Variants in EGFLAM observed in about 807,000 individuals in gnomAD.
EGFLAM encodes the protein pikachurin.
In EGFLAM, 79 loss-of-function variants were observed where a neutral mutation model predicts 113.1. That is an observed-to-expected ratio of 0.70 (90% CI 0.58 to 0.84). EGFLAM has a LOEUF of 0.84. Among genes scored for constraint, EGFLAM ranks in the 40% least tolerant of loss-of-function variants. The pLI is 0.00. For synonymous variants in EGFLAM, 504 were observed against 487.6 expected, an observed-to-expected ratio of 1.03 and a Z score of -0.44; for missense variants, 1,265 against 1,291.6, an observed-to-expected ratio of 0.98 and a Z score of 0.32.
intron 17 of EGFLAM, among the ~76,000 whole-genome samples, chr5:38,438,717 C>T (rs1315223620): frequency 2.0e-5 from 3 of 152,194 alleles, no homozygotes; most frequent in Non-Finnish European, 2.9e-5. Flanking sequence ...CCTTGAGAAT[C>T]ACCTCATAGT....
intron 1 of EGFLAM, among the ~76,000 whole-genome samples, chr5:38,315,214 G>C (rs756839469): frequency 2.0e-5 from 3 of 152,030 alleles, no homozygotes; most frequent in African/African-American, 4.8e-5. Flanking sequence ...TCATTTACTA[G>C]GTATTGATTT....
intron 6 of EGFLAM, among the ~76,000 whole-genome samples, chr5:38,381,084 A>G (rs1320099649): frequency 6.6e-6 from 1 of 152,202 alleles, no homozygotes; most frequent in Non-Finnish European, 1.5e-5. Context: ...GGTGATATCC[A>G]CATACATATC....
chr5:38,390,739 A>C (rs141658202), intron 6 of EGFLAM, among the ~76,000 whole-genome samples: 2 of 152,182 alleles, frequency 1.3e-5, no homozygotes, highest in Non-Finnish European at 2.9e-5. Context: ...TCCATTTCTA[A>C]TGAAGTTAAG....
At chr5:38,322,517 C>T (rs911106909) in intron 1 of EGFLAM, among the ~76,000 whole-genome samples, 1 of 152,192 alleles carries the variant, frequency 6.6e-6, no homozygotes, top group Non-Finnish European at 1.5e-5. Context: ...AAGTGGCTGT[C>T]TTTCCTGCTC....
chr5:38,281,027 T>C (rs1757999467), intron 1 of EGFLAM, among the ~76,000 whole-genome samples: 1 of 152,168 alleles, frequency 6.6e-6, no homozygotes, highest in Non-Finnish European at 1.5e-5. Context: ...TAAGGGGATG[T>C]TAAGACTGAC....
chr5:38,452,790 A>G (rs935619014), intron 19 of EGFLAM, among the ~76,000 whole-genome samples: 1 of 152,236 alleles, frequency 6.6e-6, no homozygotes, highest in Non-Finnish European at 1.5e-5. Context: ...TGTTACCGAT[A>G]ACGCAGTGCC....
chr5:38,336,146 C>T (rs930556437), intron 1 of EGFLAM, among the ~76,000 whole-genome samples: 6 of 151,602 alleles, frequency 4.0e-5, no homozygotes, highest in East Asian at 1.9e-4. Flanking sequence ...AATTTACAGC[C>T]GTTAAAAATA....
intron 3 of EGFLAM, chr5:38,346,477 T>C (rs1299423613): frequency 6.6e-6 from 1 of 152,134 alleles, no homozygotes; most frequent in Non-Finnish European, 1.5e-5. Context: ...TAAATGAAAA[T>C]AAGAGTGATA....
chr5:38,364,940 T>C (rs1740021314), intron 5 of EGFLAM, among the ~76,000 whole-genome samples: 1 of 152,154 alleles, frequency 6.6e-6, no homozygotes, highest in Non-Finnish European at 1.5e-5. Context: ...AGGTTTGATG[T>C]GGAAAGAAGG....
At chr5:38,395,367 C>G (rs1303452973) in intron 6 of EGFLAM, among the ~76,000 whole-genome samples, 3 of 151,960 alleles carry the variant, frequency 2.0e-5, no homozygotes, top group African/African-American at 7.3e-5. Flanking sequence ...CCTCAGCTCC[C>G]CCACCAAGTA....
At chr5:38,290,363 G>A (rs988875044) in intron 1 of EGFLAM, among the ~76,000 whole-genome samples, 6 of 152,176 alleles carry the variant, frequency 3.9e-5, no homozygotes, top group Non-Finnish European at 7.3e-5. Flanking sequence ...CCAAGCACAA[G>A]CTGTCAGCCA....
At chr5:38,425,719 C>T (rs971482851) in intron 13 of EGFLAM, among the ~76,000 whole-genome samples, 1 of 152,132 alleles carries the variant, frequency 6.6e-6, no homozygotes, top group African/African-American at 2.4e-5. Flanking sequence ...CTCCTCTTGG[C>T]CCTTGAATAA....
At chr5:38,285,889 G>A (rs56302323) in intron 1 of EGFLAM, 26,181 of 151,996 alleles carry the variant, frequency 0.17, 2,541 homozygotes, top group Middle Eastern at 0.29. Context: ...AATCACCTCC[G>A]TCCCACAACT....
At chr5:38,398,891 G>A (rs1169419202) in intron 6 of EGFLAM, among the ~76,000 whole-genome samples, 1 of 152,180 alleles carries the variant, frequency 6.6e-6, no homozygotes, top group Non-Finnish European at 1.5e-5. Flanking sequence ...GTGGGTATTA[G>A]GGTTTTGAAG....
At position 38,383,311 on chromosome 5, in the gene EGFLAM, C is replaced by T. The variant is rs529112584; in HGVS notation, c.712+12849C>T. Among the ~76,000 whole-genome samples, 11 of 151,968 alleles carry T rather than the reference C, an allele frequency of 7.2e-5. No individual in the cohort carries two copies. In the South Asian group the frequency reaches 2.3e-3, roughly 32 times the overall value. On this transcript the variant is annotated intron_variant, in intron 6 of 21. Transcript: ENST00000322350. Reference sequence around the variant, plus strand: ...AAACAACTGGTACATACATTTCTTTCCAAAATAAAATGAAATAAAAAGCTG... The same window carrying T: ...AAACAACTGGTACATACATTTCTTTTCAAAATAAAATGAAATAAAAAGCTG...
rs751733202 is a variant in EGFLAM at position 38,448,397 on chromosome 5, G to A, written c.2543+18G>A. 5 of 1,613,200 alleles carry A rather than the reference G, an allele frequency of 3.1e-6. No individual in the cohort carries two copies. The South Asian group carries it at 3.3e-5, about 11-fold the overall frequency. Reference sequence around the variant, plus strand: ...TTGAAGAGGTAATAAGCTTCAACAGGCACCTTCCTCAGCTTTCTGGGGGTA... The same window carrying A: ...TTGAAGAGGTAATAAGCTTCAACAGACACCTTCCTCAGCTTTCTGGGGGTA... On this transcript the variant is annotated intron_variant, in intron 18 of 21. Coordinates refer to ENST00000322350, the MANE Select transcript of EGFLAM (RefSeq NM_152403.4).
intron 4 of EGFLAM, among the ~76,000 whole-genome samples, chr5:38,351,109 CTTTTTT>C (rs981908561): frequency 1.5e-5 from 2 of 135,780 alleles, no homozygotes; most frequent in African/African-American, 5.4e-5. Flanking sequence ...AGCAGCACTT[CTTTTTT>C]TTTTTTTTTT....
chr5:38,433,763 G>A (rs1185551767), intron 15 of EGFLAM, among the ~76,000 whole-genome samples: 1 of 152,184 alleles, frequency 6.6e-6, no homozygotes, highest in Non-Finnish European at 1.5e-5. Context: ...TGGGTTTGTG[G>A]TGACAGTTCC....
chr5:38,340,114 T>C lies in EGFLAM; in HGVS notation c.291+1333T>C, dbSNP rs374919428. 1.6e-4 allele frequency among the ~76,000 whole-genome samples: 25 copies of C among 152,280 alleles called. No homozygotes were observed. In the East Asian group the frequency reaches 3.5e-3, roughly 21 times the overall value. On this transcript the variant is annotated intron_variant, in intron 3 of 21. Coordinates refer to ENST00000322350, the MANE Select transcript of EGFLAM (RefSeq NM_152403.4). The stretch of plus-strand genomic sequence containing the variant: ...GTCTAGACAGTGCCTCTGAAATTGA[T>C]ATCCTGCCCATCACAGAACCTGGGC...
Sources: allele counts gnomAD v4.1 joint callset (sites outside exome capture counted in the v4.1 genomes callset), GRCh38; gene constraint gnomAD v4.1.1; transcripts MANE v1.5; gene names NCBI Gene and HGNC (gene_info 2026-07-23, HGNC 2026-07-21).